The following HSD17B4 variants were observed in gnomAD, a reference collection of about 807,000 sequenced individuals.
HSD17B4 encodes the protein peroxisomal multifunctional enzyme type 2.
Under a neutral mutation model 101.0 loss-of-function variants are expected in HSD17B4, and 70 were observed. That is an observed-to-expected ratio of 0.69 (90% CI 0.57 to 0.85). The LOEUF is 0.85. Ranked by LOEUF, HSD17B4 falls within the 40% of genes least tolerant of loss-of-function variation. HSD17B4 has a pLI of 0.00. For synonymous variants in HSD17B4, 347 were observed against 297.1 expected, an observed-to-expected ratio of 1.17 and a Z score of -1.73; for missense variants, 984 against 892.4, an observed-to-expected ratio of 1.10 and a Z score of -1.31.
intron 23 of HSD17B4, among the ~76,000 whole-genome samples, chr5:119,540,761 G>A (rs550155953): frequency 1.3e-5 from 2 of 152,266 alleles, no homozygotes; most frequent in East Asian, 3.9e-4. Flanking sequence ...AGTGCTGCTC[G>A]TTAACAAGTA....
intron 2 of HSD17B4, among the ~76,000 whole-genome samples, chr5:119,462,248 A>ATTTTTTTTTTTTTTTT (rs10524491): frequency 6.7e-5 from 2 of 30,010 alleles, no homozygotes; most frequent in African/African-American, 1.9e-4. Flanking sequence ...AACAAATGTG[A>ATTTTTTTTTTTTTTTT]TTTTTTTTTT....
chr5:119,476,925 A>G (rs972243189), intron 6 of HSD17B4, among the ~76,000 whole-genome samples: 29 of 152,332 alleles, frequency 1.9e-4, no homozygotes, highest in African/African-American at 7.0e-4. Flanking sequence ...TGAATGTTTC[A>G]TAAGTGGTCT....
chr5:119,491,956 C>T (rs1580601372), intron 9 of HSD17B4, 144 bp from the exon 10 acceptor site: 1 of 751,474 alleles, frequency 1.3e-6, no homozygotes, highest in East Asian at 2.5e-5. Flanking sequence ...GGCCAGTGGA[C>T]TCTTACAGAG....
At chr5:119,493,289 T>C (rs1750283882) in intron 10 of HSD17B4, 1 of 156,792 alleles carries the variant, frequency 6.4e-6, no homozygotes, top group African/African-American at 2.4e-5. Flanking sequence ...CTGTGCATTC[T>C]AACTGACTTC....
intron 23 of HSD17B4, among the ~76,000 whole-genome samples, chr5:119,541,078 T>A (rs1338972957): frequency 1.3e-5 from 2 of 152,170 alleles, no homozygotes; most frequent in Non-Finnish European, 2.9e-5. Flanking sequence ...AAACTATGAT[T>A]GATTATTTTT....
chr5:119,493,549 A>C, intron 10 of HSD17B4: 2 of 376,576 alleles, frequency 5.3e-6, no homozygotes, highest in Admixed American at 7.9e-5. Flanking sequence ...ACTTTTTCAC[A>C]TACAGCATAA....
intron 6 of HSD17B4, chr5:119,476,554 C>T (rs756144990): frequency 9.1e-6 from 9 of 985,086 alleles, no homozygotes; most frequent in Non-Finnish European, 8.4e-6. Context: ...TAGTGCCTGA[C>T]TGTCTTTTGG....
chr5:119,530,610 T>G (rs1186247835), intron 21 of HSD17B4, among the ~76,000 whole-genome samples: 2 of 151,114 alleles, frequency 1.3e-5, no homozygotes, highest in African/African-American at 4.9e-5. Context: ...CCCAGCCCTT[T>G]GGGAGGCTGA....
At chr5:119,474,181 C>G (rs1427541162) in intron 3 of HSD17B4, among the ~76,000 whole-genome samples, 166 bp downstream of exon 3, 5 of 152,068 alleles carry the variant, frequency 3.3e-5, no homozygotes, top group African/African-American at 1.2e-4. Flanking sequence ...ATTGTTAAAA[C>G]TTTTGATGTA....
chr5:119,460,573 A>T (rs977090041), intron 2 of HSD17B4, among the ~76,000 whole-genome samples: 1 of 152,114 alleles, frequency 6.6e-6, no homozygotes, highest in Non-Finnish European at 1.5e-5. Flanking sequence ...TGCCAGTTTT[A>T]AAAAAAGTAA....
intron 22 of HSD17B4, among the ~76,000 whole-genome samples, chr5:119,532,987 T>C (rs773284773): frequency 3.3e-5 from 5 of 152,134 alleles, no homozygotes; most frequent in Non-Finnish European, 7.4e-5. Context: ...CGTTTATAGA[T>C]TGTTGCACCA....
rs372870480 is a variant in HSD17B4 at position 119,526,041 on chromosome 5, C to G, written c.1680+18C>G. 7.6e-7 allele frequency: 1 copy of G among 1,307,308 alleles called. No individual in the cohort carries two copies. Among genetic ancestry groups the G allele is most frequent in the Non-Finnish European group, 1.1e-6 (1 of 899,928 alleles). 81.0% of individuals were successfully genotyped at this position (1,307,308 alleles called of 1,614,324 possible). On this transcript the variant is annotated intron_variant, in intron 19 of 23. Coordinates refer to ENST00000510025, the MANE Select transcript of HSD17B4 (RefSeq NM_000414.4). Reference sequence around the variant, plus strand: ...CAATTAAGGTAAATGTGTATTACTACGTAATTTGAATATTACTTCCTTTTT... The same window carrying G: ...CAATTAAGGTAAATGTGTATTACTAGGTAATTTGAATATTACTTCCTTTTT...
intron 2 of HSD17B4, among the ~76,000 whole-genome samples, chr5:119,466,903 T>C (rs1755869631): frequency 1.3e-5 from 2 of 152,186 alleles, no homozygotes; most frequent in South Asian, 4.1e-4. Context: ...TTTTCCAATG[T>C]AGGCATTTAT....
intron 19 of HSD17B4, 112 bp downstream of exon 19, chr5:119,526,135 C>T: frequency 1.4e-6 from 1 of 723,594 alleles, no homozygotes; most frequent in Non-Finnish European, 2.5e-6. Flanking sequence ...CAGCAATGTA[C>T]ATTTTTATTA....
At chr5:119,510,059 T>C (rs1752033783) in intron 16 of HSD17B4, among the ~76,000 whole-genome samples, 1 of 152,218 alleles carries the variant, frequency 6.6e-6, no homozygotes, top group South Asian at 2.1e-4. Flanking sequence ...TATTACCATA[T>C]ATGTAATCTT....
chr5:119,511,755 TAAAC>T (rs1025223700), intron 16 of HSD17B4, among the ~76,000 whole-genome samples: 1 of 152,120 alleles, frequency 6.6e-6, no homozygotes, highest in African/African-American at 2.4e-5. Flanking sequence ...ACTAAATAAA[TAAAC>T]AATAACAACA....
Position 119,508,021 on chromosome 5 carries a change from CTTTAT to C in HSD17B4, c.1334-1116_1334-1112del, listed in dbSNP as rs1751817904. On this transcript the variant is annotated intron_variant, in intron 15 of 23. Coordinates refer to ENST00000510025, the MANE Select transcript of HSD17B4 (RefSeq NM_000414.4). The stretch of plus-strand genomic sequence containing the variant: ...ACTATATATGCTGTTTTGGAACTTG[CTTTAT>C]TTTTGCTTAATAATCAATTGAGAAC... Among the ~76,000 whole-genome samples the C allele has an allele frequency of 2.0e-5, 3 of 152,070 alleles. No individual in the cohort carries two copies. The East Asian group carries it at 5.8e-4, about 29-fold the overall frequency.
chr5:119,490,027 C>A (rs1037604193), intron 9 of HSD17B4, among the ~76,000 whole-genome samples: 1 of 151,756 alleles, frequency 6.6e-6, no homozygotes, highest in African/African-American at 2.4e-5. Flanking sequence ...ATATTAGACC[C>A]CCCCCCATTT....
At chr5:119,483,061 A>C (rs1749289750) in intron 8 of HSD17B4, among the ~76,000 whole-genome samples, 1 of 152,078 alleles carries the variant, frequency 6.6e-6, no homozygotes, top group African/African-American at 2.4e-5. Context: ...GGCATATTTC[A>C]AAATGGTTTC....
Sources: allele counts gnomAD v4.1 joint callset (sites outside exome capture counted in the v4.1 genomes callset), GRCh38; gene constraint gnomAD v4.1.1; transcripts MANE v1.5; gene names NCBI Gene and HGNC (gene_info 2026-07-23, HGNC 2026-07-21).